Variants in CTSF observed in about 807,000 individuals in gnomAD.
CTSF encodes cathepsin F.
In CTSF, 65 loss-of-function variants were observed where a neutral mutation model predicts 63.5. The observed-to-expected ratio is 1.02, with a 90% CI of 0.84 to 1.26. CTSF has a LOEUF of 1.26. Ranked by LOEUF, CTSF falls within the 50% of genes most tolerant of loss-of-function variation. The pLI, the probability that CTSF is intolerant of heterozygous loss-of-function variation, is 0.00. For synonymous variants in CTSF, 256 were observed against 258.1 expected (o/e 0.99, Z 0.08); for missense variants, 641 against 631.0 (o/e 1.02, Z -0.17).
intron 5 of CTSF, 36 bp downstream of exon 5, chr11:66,566,255 T>C (rs773692685): frequency 6.2e-7 from 1 of 1,614,022 alleles, no homozygotes. Context: ...TCCTGTCTCT[T>C]CCTGGATCCA....
chr11:66,568,538 C>G lies in CTSF; in HGVS notation c.-52G>C, dbSNP rs1337806480. On this transcript the variant is annotated 5_prime_UTR_variant, in exon 1 of 13. Transcript: ENST00000310325. The stretch of plus-strand genomic sequence containing the variant: ...CCCAACAGACGCTCCACCGACCCAC[C>G]GGGTACCGAGCCCGCGGCCAGCGGG... 20 of 1,468,648 alleles carry G rather than the reference C, an allele frequency of 1.4e-5. No individual in the cohort carries two copies. In the Admixed American group the frequency reaches 2.2e-4, roughly 16 times the overall value. 91.0% of individuals were successfully genotyped at this position (1,468,648 alleles called of 1,614,324 possible). A position where few individuals can be genotyped will look rare whatever the true frequency, so the allele number is the denominator to read the frequency against.
intron 8 of CTSF, 83 bp downstream of exon 8, chr11:66,565,588 C>T: frequency 6.4e-7 from 1 of 1,573,074 alleles, no homozygotes; most frequent in Non-Finnish European, 8.7e-7. Context: ...CTCTCATGCT[C>T]ATGTCTCCCC....
rs1290189138 is a variant in CTSF, at chr11:66,566,124, T to C, written c.765A>G (p.Lys255=). The C allele has an allele frequency of 1.9e-6, 3 of 1,614,118 alleles. No homozygotes were observed. The Admixed American group carries it at 5.0e-5, about 27-fold the overall frequency. The change falls in exon 6 of 13, where the codon AAA becomes AAG. Residue 255 remains lysine (K), a synonymous_variant. Transcript: ENST00000310325. ...RTIYLNTLLR[K]EPGNKMKQAK... ...CTTGCTTCATCTTGTTGCCAGGCTC[T>C]TTCCTCAGGAGAGTATTCAGGTAGA...
In CTSF at chr11:66,567,480, T is replaced by G. The variant is rs1857957563; in HGVS notation, c.495A>C (p.Ser165=). Residue 165 remains serine, a synonymous_variant, in exon 3 of 13, where the codon TCA becomes TCC. Transcript: ENST00000310325. ...HPDNRNETFS[S]VISLLNEDPL... is the part of the protein sequence containing the mutation. ...GATCCTCATTCAACAGGGAAATGAC[T>G]GAGCTGAAAGTCTCGTTTCTGTTGT... 2 of 1,614,092 alleles carry G rather than the reference T, an allele frequency of 1.2e-6. No individual in the cohort carries two copies. Among genetic ancestry groups the G allele is most frequent in the African/African-American group, 2.7e-5 (2 of 74,942 alleles).
chr11:66,564,100 G>A lies in CTSF; in HGVS notation c.1368C>T (p.Asp456=), dbSNP rs148155987. 2,172 of 1,613,684 alleles carry A rather than the reference G, an allele frequency of 1.3e-3. 28 individuals carry two copies. In the African/African-American group the frequency reaches 0.025, roughly 19 times the overall value. Residue 456 remains aspartate, a synonymous_variant, in exon 12 of 13, where the codon GAC becomes GAT. Coordinates refer to ENST00000310325, the MANE Select transcript of CTSF (RefSeq NM_003793.4). ...CAGCAAGACTCACCTTCTCACCCCA[G>A]TCAGTGCCCCAGCTGTTCTTGATGG... ...FWAIKNSWGT[D]WGEKGYYYLH...
chr11:66,567,777 C>A lies in CTSF; in HGVS notation c.313-115G>T, dbSNP rs900388972. ...TGAGAGCCACCCCTAAGGCAATCAC[C>A]CCATCACAGTGGACAGTGAGGCACG... On this transcript the variant is annotated intron_variant, in intron 2 of 12. Coordinates refer to ENST00000310325, the MANE Select transcript of CTSF (RefSeq NM_003793.4). 5 of 1,451,442 alleles carry A rather than the reference C, an allele frequency of 3.4e-6. No individual in the cohort carries two copies. The Admixed American group carries it at 7.4e-5, about 22-fold the overall frequency. 89.9% of individuals were successfully genotyped at this position (1,451,442 alleles called of 1,614,324 possible).
At position 66,568,048 on chromosome 11, in the gene CTSF, G is replaced by C. The variant is rs767821685; in HGVS notation, c.248C>G (p.Thr83Ser). Residue 83 changes from threonine (T) to serine (S), a missense_variant, in exon 2 of 13, where the codon ACC becomes AGC. Transcript: ENST00000310325. ...GTCGTTGCAGGGTGGCTCCTCCAGGGTGGCCTCCAGGGAGTACAGCGACCC... is the reference window on the plus strand; with the variant it reads ...GTCGTTGCAGGGTGGCTCCTCCAGGCTGGCCTCCAGGGAGTACAGCGACCC... ...GQGSLYSLEA[T>S]LEEPPCNDPM... 31 of 1,602,992 alleles carry C rather than the reference G, an allele frequency of 1.9e-5. No homozygotes were observed. Among genetic ancestry groups the C allele is most frequent in the Non-Finnish European group, 2.0e-5 (24 of 1,176,008 alleles).
rs1176986822 is a variant in CTSF, at chr11:66,563,766, G to A, written c.*167C>T. 7.9e-6 allele frequency: 6 copies of A among 757,016 alleles called. No homozygotes were observed. Among genetic ancestry groups the A allele is most frequent in the Admixed American group, 2.7e-5 (1 of 37,424 alleles). 46.9% of individuals were successfully genotyped at this position (757,016 alleles called of 1,614,324 possible). A position where few individuals can be genotyped will look rare whatever the true frequency, so the allele number is the denominator to read the frequency against. The stretch of plus-strand genomic sequence containing the variant: ...CAGAACTTCAGGGTGGGAATGGGGT[G>A]CAGGGAAGCAGGGGCTGTGCCCCAG... On this transcript the variant is annotated 3_prime_UTR_variant, in exon 13 of 13. Coordinates refer to ENST00000310325, the MANE Select transcript of CTSF (RefSeq NM_003793.4).
Position 66,567,615 on chromosome 11 carries a change from C to T in CTSF, c.360G>A (p.Leu120=). The T allele has an allele frequency of 6.2e-7, 1 of 1,614,208 alleles. No individual in the cohort carries two copies. Among genetic ancestry groups the T allele is most frequent in the Non-Finnish European group, 8.5e-7 (1 of 1,180,040 alleles). Residue 120 remains leucine (L), a synonymous_variant, in exon 3 of 13, where the codon CTG becomes CTA. Coordinates refer to ENST00000310325, the MANE Select transcript of CTSF (RefSeq NM_003793.4). ...VLDELGRHVL[L]RKDCGPVDTK... Reference sequence around the variant, plus strand: ...TGTCCACTGGGCCACAGTCCTTCCGCAGCAGCACGTGTCTTCCGAGCTCAT... The same window carrying T: ...TGTCCACTGGGCCACAGTCCTTCCGTAGCAGCACGTGTCTTCCGAGCTCAT...
rs2134957262 is a variant in CTSF, at chr11:66,568,577, C to T, written c.-91G>A. The stretch of plus-strand genomic sequence containing the variant: ...GCGGCCAGCGGGGCCTGAGTCCTCC[C>T]TCCAGCGGGGCGACGGCACGCCGAC... On this transcript the variant is annotated 5_prime_UTR_variant, in exon 1 of 13. Transcript: ENST00000310325. 7.2e-7 allele frequency: 1 copy of T among 1,380,538 alleles called. No homozygotes were observed. Among genetic ancestry groups the T allele is most frequent in the East Asian group, 3.1e-5 (1 of 32,574 alleles). 85.5% of individuals were successfully genotyped at this position (1,380,538 alleles called of 1,614,324 possible).
Position 66,563,849 on chromosome 11 carries a change from C to T in CTSF, c.*84G>A. 1 of 1,549,830 alleles carries T rather than the reference C, an allele frequency of 6.5e-7. No homozygotes were observed. The highest frequency in any genetic ancestry group is 1.1e-5 in the South Asian group (1 of 87,200). ...GTGCCTTTCCCTCTGCCAGCTGTACCTCCCGGGGAGGGGCCTGGACACATG... is the reference window on the plus strand; with the variant it reads ...GTGCCTTTCCCTCTGCCAGCTGTACTTCCCGGGGAGGGGCCTGGACACATG... On this transcript the variant is annotated 3_prime_UTR_variant, in exon 13 of 13. Transcript: ENST00000310325.
intron 4 of CTSF, 91 bp downstream of exon 4, chr11:66,567,155 C>G: frequency 7.5e-7 from 1 of 1,336,488 alleles, no homozygotes; most frequent in Non-Finnish European, 1.1e-6. Context: ...TACACTGCCT[C>G]TTGTCTTTCT....
chr11:66,567,632 C>A lies in CTSF; in HGVS notation c.343G>T (p.Gly115Ter). 1 of 1,614,070 alleles carries A rather than the reference C, an allele frequency of 6.2e-7. No individual in the cohort carries two copies. The highest frequency in any genetic ancestry group is 8.5e-7 in the Non-Finnish European group (1 of 1,179,998). ...TCCTTCCGCAGCAGCACGTGTCTTC[C>A]GAGCTCATCCAGGACTTGGAAGCTG... ...LCSFQVLDELGRHVLLRKDCG... is the reference protein window; with the variant it reads ...LCSFQVLDEL The change falls in exon 3 of 13, where the codon GGA becomes TGA. Residue 115 changes from glycine to a stop codon, truncating the protein, a stop_gained. Transcript: ENST00000310325. LOFTEE classifies it high-confidence loss of function.
intron 2 of CTSF, 79 bp downstream of exon 2, chr11:66,567,905 T>C: frequency 6.6e-7 from 1 of 1,507,124 alleles, no homozygotes; most frequent in Non-Finnish European, 8.9e-7. Context: ...GATCCCTGCG[T>C]CTTGACCTGA....
chr11:66,564,617 C>T lies in CTSF; in HGVS notation c.1262G>A (p.Arg421Gln), dbSNP rs201295932. 36 of 1,603,608 alleles carry T rather than the reference C, an allele frequency of 2.2e-5. No individual in the cohort carries two copies. The African/African-American group carries it at 2.3e-4, about 10-fold the overall frequency. Residue 421 changes from arginine (R) to glutamine (Q), a missense_variant, in exon 11 of 13, where the codon CGG becomes CAG. Coordinates refer to ENST00000310325, the MANE Select transcript of CTSF (RefSeq NM_003793.4). ...FYRHGISRPL[R>Q]PLCSPWLIDH... Reference sequence around the variant, plus strand: ...AATGAGCCAAGGGCTGCAGAGGGGCCGGAGAGGGCGGGAGATCCCGTGGCG... The same window carrying T: ...AATGAGCCAAGGGCTGCAGAGGGGCTGGAGAGGGCGGGAGATCCCGTGGCG...
intron 8 of CTSF, among the ~76,000 whole-genome samples, chr11:66,565,355 C>T (rs1340437284): frequency 6.6e-6 from 1 of 152,210 alleles, no homozygotes; most frequent in Non-Finnish European, 1.5e-5. Flanking sequence ...ATCCTCCTGC[C>T]TCAGCCCCCC....
At position 66,566,015 on chromosome 11, in the gene CTSF, G is replaced by A. The variant is rs577007516; in HGVS notation, c.867+7C>T. ...CCATGTCCCACCCTCACTTCCAGGGGTCCAACCTGGTCTTTGACTTTTGTG... is the reference window on the plus strand; with the variant it reads ...CCATGTCCCACCCTCACTTCCAGGGATCCAACCTGGTCTTTGACTTTTGTG... On this transcript the variant is annotated splice_region_variant and intron_variant, in intron 6 of 12. Transcript: ENST00000310325. The A allele has an allele frequency of 2.5e-6, 4 of 1,614,022 alleles. No individual in the cohort carries two copies. The highest frequency in any genetic ancestry group is 3.3e-5 in the Admixed American group (2 of 59,998).
In CTSF at chr11:66,566,021, C is replaced by A; in HGVS notation, c.867+1G>T. 1 of 1,614,166 alleles carries A rather than the reference C, an allele frequency of 6.2e-7. No individual in the cohort carries two copies. The highest frequency in any genetic ancestry group is 1.1e-5 in the South Asian group (1 of 91,082). ...CCCACCCTCACTTCCAGGGGTCCAACCTGGTCTTTGACTTTTGTGACAGCC... is the reference window on the plus strand; with the variant it reads ...CCCACCCTCACTTCCAGGGGTCCAAACTGGTCTTTGACTTTTGTGACAGCC... On this transcript the variant is annotated splice_donor_variant, in intron 6 of 12. Transcript: ENST00000310325. LOFTEE classifies it high-confidence loss of function.
At position 66,564,942 on chromosome 11, in the gene CTSF, T is replaced by G; in HGVS notation, c.1110A>C (p.Ala370=). The part of the protein sequence containing the change: ...QGHMQSCNFS[A]EKAKVYINDS... Reference sequence around the variant, plus strand: ...CATTGATGTAGACCTTGGCCTTCTCTGCTGAGAAGTTGCAGGACTGCATGT... The same window carrying G: ...CATTGATGTAGACCTTGGCCTTCTCGGCTGAGAAGTTGCAGGACTGCATGT... The change falls in exon 9 of 13, where the codon GCA becomes GCC. Residue 370 remains alanine, a synonymous_variant. Coordinates refer to ENST00000310325, the MANE Select transcript of CTSF (RefSeq NM_003793.4). 6.2e-7 allele frequency: 1 copy of G among 1,602,738 alleles called. No individual in the cohort carries two copies. The highest frequency in any genetic ancestry group is 8.5e-7 in the Non-Finnish European group (1 of 1,171,790).
Sources: gnomAD v4.1 joint callset for allele counts (sites outside exome capture counted in the v4.1 genomes callset) on GRCh38, gnomAD v4.1.1 for gene constraint, MANE v1.5 for transcripts, NCBI Gene and HGNC (gene_info 2026-07-23, HGNC 2026-07-21) for gene names.